Variants in DDX10 observed in about 807,000 individuals in gnomAD.
DDX10 encodes probable ATP-dependent RNA helicase DDX10.
Under a neutral mutation model 104.3 loss-of-function variants are expected in DDX10, and 74 were observed. The observed-to-expected ratio is 0.71, with a 90% confidence interval of 0.59 to 0.86. The LOEUF (loss-of-function observed/expected upper bound fraction) is 0.86, where lower values mean the gene tolerates loss of function less well. Ranked by LOEUF, DDX10 falls within the 40% of genes least tolerant of loss-of-function variation. The pLI is 0.00. For synonymous variants in DDX10, 351 were observed against 353.4 expected (o/e 0.99, Z 0.08); for missense variants, 952 against 1,040.0 (o/e 0.92, Z 1.16).
rs71050884 is a variant in DDX10 at position 108,728,504 on chromosome 11, C to CTT, written c.1965+5068_1965+5069dup. ...TTTTAAGTATACATACACATTTGTT[C>CTT]TTTTTTTTTTTTTTTTTTTTTTTTT... On this transcript the variant is annotated intron_variant, in intron 13 of 17. Coordinates refer to ENST00000322536, the MANE Select transcript of DDX10 (RefSeq NM_004398.4). 6.7e-3 allele frequency among the ~76,000 whole-genome samples: 813 copies of CTT among 121,600 alleles called. 96 individuals are homozygous for CTT. Among genetic ancestry groups the CTT allele is most frequent in the African/African-American group, 0.015 (374 of 24,346 alleles). The allele number at this position is 121,600 out of a possible 152,430, so 79.8% of individuals were successfully genotyped here. A position where few individuals can be genotyped will look rare whatever the true frequency, so the allele number is the denominator to read the frequency against.
chr11:108,863,879 G>A (rs1862972582), intron 16 of DDX10, among the ~76,000 whole-genome samples: 1 of 152,098 alleles, frequency 6.6e-6, no homozygotes, highest in East Asian at 1.9e-4. Context: ...TCAGATTTTG[G>A]GCTTCAGTTC....
At position 108,867,981 on chromosome 11, in the gene DDX10, T is replaced by A. The variant is rs1258706397; in HGVS notation, c.2304+15772T>A. 3.3e-5 allele frequency among the ~76,000 whole-genome samples: 5 copies of A among 152,278 alleles called. No homozygotes were observed. The East Asian group carries it at 9.7e-4, about 29-fold the overall frequency. On this transcript the variant is annotated intron_variant, in intron 16 of 17. Transcript: ENST00000322536. Reference sequence around the variant, plus strand: ...CCATATATGGTCTGACTTAAAGATCTCTTTCATTTGAATGGTAGCTTGAGG... The same window carrying A: ...CCATATATGGTCTGACTTAAAGATCACTTTCATTTGAATGGTAGCTTGAGG...
intron 16 of DDX10, among the ~76,000 whole-genome samples, chr11:108,906,786 T>C (rs535040754): frequency 6.6e-6 from 1 of 152,340 alleles, no homozygotes; most frequent in East Asian, 1.9e-4. Context: ...CAGTATCCTG[T>C]TGGGCTCTGT....
intron 16 of DDX10, among the ~76,000 whole-genome samples, chr11:108,882,413 G>T (rs542428352): frequency 6.6e-6 from 1 of 152,150 alleles, no homozygotes; most frequent in Non-Finnish European, 1.5e-5. Context: ...TCTCAGAAAT[G>T]GAGGCAGTGG....
chr11:108,708,295 A>AT (rs200144585), intron 10 of DDX10, among the ~76,000 whole-genome samples: 62,601 of 129,222 alleles, frequency 0.48, 17,237 homozygotes, highest in Non-Finnish European at 0.62. Flanking sequence ...AGATCATGTG[A>AT]TTTTTTTTTT....
intron 15 of DDX10, among the ~76,000 whole-genome samples, chr11:108,848,470 C>T (rs888520801): frequency 1.3e-5 from 2 of 152,082 alleles, no homozygotes; most frequent in African/African-American, 4.8e-5. Context: ...CATGACAACC[C>T]TTTTTCCTTC....
chr11:108,789,003 C>T (rs896020491), intron 13 of DDX10, among the ~76,000 whole-genome samples: 1 of 152,190 alleles, frequency 6.6e-6, no homozygotes, highest in African/African-American at 2.4e-5. Context: ...AGGCCGTACC[C>T]TCTCTGGGCT....
chr11:108,696,532 G>A (rs1384462841), intron 9 of DDX10, among the ~76,000 whole-genome samples: 1 of 152,010 alleles, frequency 6.6e-6, no homozygotes, highest in Non-Finnish European at 1.5e-5. Flanking sequence ...ATCAGTGGTG[G>A]TTGGTGGAAT....
chr11:108,688,840 G>A (rs2094248119), intron 6 of DDX10, 96 bp from the exon 7 acceptor site: 9 of 1,360,362 alleles, frequency 6.6e-6, no homozygotes, highest in Non-Finnish European at 9.1e-6. Flanking sequence ...TTGCTTGAGA[G>A]ATGTGCCACT....
At chr11:108,856,977 T>A (rs964698940) in intron 16 of DDX10, among the ~76,000 whole-genome samples, 2 of 152,172 alleles carry the variant, frequency 1.3e-5, no homozygotes, top group Non-Finnish European at 2.9e-5. Context: ...AATATTTTAT[T>A]TGAAATATTG....
At chr11:108,815,898 A>C (rs1862248332) in intron 13 of DDX10, among the ~76,000 whole-genome samples, 1 of 152,204 alleles carries the variant, frequency 6.6e-6, no homozygotes, top group Non-Finnish European at 1.5e-5. Flanking sequence ...TAACTTAAAC[A>C]GTTTTCACTG....
At chr11:108,850,904 A>G (rs914271466) in intron 15 of DDX10, among the ~76,000 whole-genome samples, 1 of 152,170 alleles carries the variant, frequency 6.6e-6, no homozygotes, top group Admixed American at 6.5e-5. Context: ...CATCTATAGA[A>G]TGGGAATAGT....
Position 108,719,812 on chromosome 11 carries a change from G to A in DDX10, c.1426G>A (p.Val476Ile). The A allele has an allele frequency of 1.2e-6, 2 of 1,602,564 alleles. No individual in the cohort carries two copies. The highest frequency in any genetic ancestry group is 1.7e-6 in the Non-Finnish European group (2 of 1,169,942). ...TAATTTACAGTGTTTCGTCTCCTAT[G>A]TACGATCTGTATATCTGATGAAGGA... is the stretch of plus-strand genomic sequence containing the variant. Reference protein sequence around the residue: ...ERAQRCFVSYVRSVYLMKDKE... With the variant: ...ERAQRCFVSYIRSVYLMKDKE... The change falls in exon 12 of 18, where the codon GTA (valine) becomes ATA (isoleucine). Residue 476 changes from valine (V) to isoleucine (I), a missense_variant. By Grantham distance (29) the Val-to-Ile change is conservative. This residue lies in a region of DDX10 where 533 missense variants were observed against 534.1 expected (regional missense o/e 1.00). Coordinates refer to ENST00000322536, the MANE Select transcript of DDX10 (RefSeq NM_004398.4).
At chr11:108,722,485 G>A (rs1177941829) in intron 12 of DDX10, among the ~76,000 whole-genome samples, 1 of 152,140 alleles carries the variant, frequency 6.6e-6, no homozygotes, top group African/African-American at 2.4e-5. Context: ...TCTCTTTTAG[G>A]AAGGGAGATG....
intron 16 of DDX10, 38 bp from the exon 17 acceptor site, chr11:108,917,835 C>T (rs765038643): frequency 1.2e-6 from 2 of 1,601,714 alleles, no homozygotes; most frequent in South Asian, 2.3e-5. Context: ...TATCAACTGA[C>T]TTCTTCAACT....
intron 13 of DDX10, among the ~76,000 whole-genome samples, chr11:108,746,735 A>G (rs765774955): frequency 6.6e-6 from 1 of 152,064 alleles, no homozygotes; most frequent in Non-Finnish European, 1.5e-5. Context: ...TGTCTCTTTG[A>G]TTACAGCCAT....
At chr11:108,863,561 A>G (rs1325812523) in intron 16 of DDX10, among the ~76,000 whole-genome samples, 1 of 152,194 alleles carries the variant, frequency 6.6e-6, no homozygotes, top group African/African-American at 2.4e-5. Flanking sequence ...ATTTATTTAT[A>G]TTAGCACAGC....
chr11:108,886,810 G>A (rs1002860350), intron 16 of DDX10, among the ~76,000 whole-genome samples: 10 of 152,140 alleles, frequency 6.6e-5, no homozygotes, highest in African/African-American at 2.4e-4. Flanking sequence ...TATTCCATGA[G>A]TCATATAAAA....
intron 13 of DDX10, among the ~76,000 whole-genome samples, chr11:108,758,305 G>C (rs571683609): frequency 1.3e-5 from 2 of 152,164 alleles, no homozygotes; most frequent in South Asian, 4.1e-4. Context: ...GTCTATAAGA[G>C]ATCTGAAGTA....
Sources: gnomAD v4.1 joint callset for allele counts (sites outside exome capture counted in the v4.1 genomes callset) on GRCh38, gnomAD v4.1.1 for gene constraint, gnomAD v4.1.1 regional missense constraint, MANE v1.5 for transcripts, NCBI Gene and HGNC (gene_info 2026-07-23, HGNC 2026-07-21) for gene names.